TMPRSS15: variants seen among roughly 807,000 people sequenced by gnomAD.
TMPRSS15 encodes the protein enteropeptidase.
In TMPRSS15, 128 loss-of-function variants were observed where a neutral mutation model predicts 125.3. That is an observed-to-expected ratio of 1.02 (90% CI 0.89 to 1.18). TMPRSS15 has a LOEUF of 1.18. TMPRSS15 is among the 50% of genes most tolerant of loss of function. The pLI is 0.00. For synonymous variants in TMPRSS15, 446 were observed against 423.2 expected, an observed-to-expected ratio of 1.05 and a Z score of -0.66; for missense variants, 1,283 against 1,212.7, an observed-to-expected ratio of 1.06 and a Z score of -0.86.
In TMPRSS15 at chr21:18,424,043, T is replaced by A. The variant is rs576068451; in HGVS notation, c.11-25714A>T. ...GAAGTTTCAGCCTGGCATCAATAAT[T>A]TGCCTAAATATTTTAACTGAAAGAG... On this transcript the variant is annotated intron_variant, in intron 1 of 7. Transcript: ENST00000422787. Among the ~76,000 whole-genome samples, 12 of 152,266 alleles carry A rather than the reference T, an allele frequency of 7.9e-5. No individual in the cohort carries two copies. In the South Asian group the frequency reaches 2.5e-3, roughly 32 times the overall value.
chr21:18,452,360 A>G (rs1358109480), intron 1 of TMPRSS15, among the ~76,000 whole-genome samples: 1 of 152,166 alleles, frequency 6.6e-6, no homozygotes. Flanking sequence ...CACAAAGCAA[A>G]CATAATGTAA....
intron 1 of TMPRSS15, among the ~76,000 whole-genome samples, chr21:18,484,717 G>A (rs1231991680): frequency 1.3e-5 from 2 of 151,850 alleles, no homozygotes. Context: ...TCATAAATAA[G>A]GTGATTATAT....
chr21:18,318,184 G>C (rs1403394687), intron 16 of TMPRSS15, among the ~76,000 whole-genome samples: 1 of 152,178 alleles, frequency 6.6e-6, no homozygotes, highest in Non-Finnish European at 1.5e-5. Flanking sequence ...GCCTGGCAGG[G>C]AAGCCCGGCT....
At chr21:18,470,003 A>G (rs1978743579) in intron 1 of TMPRSS15, among the ~76,000 whole-genome samples, 1 of 152,082 alleles carries the variant, frequency 6.6e-6, no homozygotes, top group South Asian at 2.1e-4. Flanking sequence ...TCCTAAATAT[A>G]TTTTGCATTG....
At chr21:18,327,183 A>C (rs899531736) in intron 15 of TMPRSS15, among the ~76,000 whole-genome samples, 23 of 152,188 alleles carry the variant, frequency 1.5e-4, no homozygotes, top group Admixed American at 8.5e-4. Flanking sequence ...TCAGTTTCAA[A>C]AGACCTTCCT....
At chr21:18,419,538 TTTC>T (rs1186162058) in intron 1 of TMPRSS15, among the ~76,000 whole-genome samples, 1 of 152,144 alleles carries the variant, frequency 6.6e-6, no homozygotes, top group Non-Finnish European at 1.5e-5. Context: ...ATTTCCTCTT[TTTC>T]TAAAAACTCT....
chr21:18,317,063 T>C (rs1004544795), intron 16 of TMPRSS15, among the ~76,000 whole-genome samples: 2 of 152,200 alleles, frequency 1.3e-5, no homozygotes, highest in Admixed American at 6.5e-5. Context: ...TATTAGTGAC[T>C]ATTAGTCAAT....
chr21:18,345,030 G>C (rs1231630238), intron 10 of TMPRSS15, among the ~76,000 whole-genome samples: 1 of 152,094 alleles, frequency 6.6e-6, no homozygotes, highest in Non-Finnish European at 1.5e-5. Context: ...TAAGAACAAG[G>C]CATAAAGAAA....
At chr21:18,284,187 C>T (rs990412704) in intron 21 of TMPRSS15, among the ~76,000 whole-genome samples, 10 of 152,172 alleles carry the variant, frequency 6.6e-5, no homozygotes, top group Admixed American at 5.2e-4. Flanking sequence ...AAGAGAAAGG[C>T]TGCTCCACAA....
Position 18,397,874 on chromosome 21 carries a change from C to T in TMPRSS15, c.344+5G>A, listed in dbSNP as rs1054235783. ...ATCAGTAGAAAATTTTTGAGCTATA[C>T]TCACTCAAATTGTAAAACTCTTGAG... On this transcript the variant is annotated splice_donor_5th_base_variant and intron_variant, in intron 3 of 24. Transcript: ENST00000284885. 1.3e-6 allele frequency: 2 copies of T among 1,522,818 alleles called. No individual in the cohort carries two copies. The highest frequency in any genetic ancestry group is 1.8e-6 in the Non-Finnish European group (2 of 1,114,628). The allele number at this position is 1,522,818 out of a possible 1,614,324, so 94.3% of individuals were successfully genotyped here.
chr21:18,473,409 A>G (rs1978817600), intron 1 of TMPRSS15, among the ~76,000 whole-genome samples: 1 of 152,122 alleles, frequency 6.6e-6, no homozygotes, highest in Non-Finnish European at 1.5e-5. Flanking sequence ...AGTTGTATCG[A>G]TTATAATCAG....
chr21:18,446,857 G>A (rs191861959), intron 1 of TMPRSS15, among the ~76,000 whole-genome samples: 317 of 151,944 alleles, frequency 2.1e-3, no homozygotes, highest in African/African-American at 7.1e-3. Context: ...AAAGCTCCAT[G>A]ACATTGGTTT....
chr21:18,458,916 A>C lies in TMPRSS15; in HGVS notation c.10+26883T>G, dbSNP rs62215056. On this transcript the variant is annotated intron_variant, in intron 1 of 7. Transcript: ENST00000422787. ...GATTATATCATTTTAATTTTCATGA[A>C]ATAAAATTTATCTTTTTTATTTTGT... is the stretch of plus-strand genomic sequence containing the variant. Among the ~76,000 whole-genome samples, 896 of 152,294 alleles carry C rather than the reference A, an allele frequency of 5.9e-3. 6 individuals carry two copies. Among genetic ancestry groups the C allele is most frequent in the Non-Finnish European group, 8.9e-3 (608 of 68,014 alleles).
chr21:18,269,457 T>C lies in TMPRSS15; in HGVS notation c.*512A>G, dbSNP rs1304126234. 4 of 157,718 alleles carry C rather than the reference T, an allele frequency of 2.5e-5. No individual in the cohort carries two copies. The highest frequency in any genetic ancestry group is 5.6e-5 in the Non-Finnish European group (4 of 71,852). 9.8% of individuals were successfully genotyped at this position (157,718 alleles called of 1,614,324 possible). A position where few individuals can be genotyped will look rare whatever the true frequency, so the allele number is the denominator to read the frequency against. On this transcript the variant is annotated 3_prime_UTR_variant, in exon 25 of 25. Transcript: ENST00000284885. ...TCTATTGGTTGGGAAAATACTAAGGTTATGCATATGTTGAAAATTTTGATA... is the reference window on the plus strand; with the variant it reads ...TCTATTGGTTGGGAAAATACTAAGGCTATGCATATGTTGAAAATTTTGATA...
chr21:18,373,534 A>G (rs1177064726), intron 5 of TMPRSS15, among the ~76,000 whole-genome samples: 3 of 152,192 alleles, frequency 2.0e-5, no homozygotes, highest in Non-Finnish European at 4.4e-5. Flanking sequence ...TTAACCATTG[A>G]GTTATTAATC....
At chr21:18,451,880 T>A in intron 1 of TMPRSS15, among the ~76,000 whole-genome samples, 1 of 124,204 alleles carries the variant, frequency 8.1e-6, no homozygotes, top group Non-Finnish European at 1.7e-5. Context: ...ATGGCATGCA[T>A]AAGACATGCA....
At chr21:18,407,669 C>T (rs1281272320), upstream of TMPRSS15, among the ~76,000 whole-genome samples, 1 of 151,956 alleles carries the variant, frequency 6.6e-6, no homozygotes, top group Non-Finnish European at 1.5e-5. Context: ...CTTCGTTGTC[C>T]AGGCTGGACT....
At chr21:18,286,944 A>C (rs548632894) in intron 21 of TMPRSS15, among the ~76,000 whole-genome samples, 2 of 152,300 alleles carry the variant, frequency 1.3e-5, no homozygotes, top group South Asian at 4.1e-4. Flanking sequence ...CTTCAAAGAA[A>C]TTTGTGTAAC....
intron 13 of TMPRSS15, among the ~76,000 whole-genome samples, chr21:18,332,460 G>C (rs542301629): frequency 1.3e-5 from 2 of 151,914 alleles, no homozygotes; most frequent in East Asian, 1.9e-4. Context: ...TTTTTTGTGG[G>C]GTTGTTTATT....
Sources: gnomAD v4.1 joint callset for allele counts (sites outside exome capture counted in the v4.1 genomes callset) on GRCh38, gnomAD v4.1.1 for gene constraint, MANE v1.5 for transcripts, NCBI Gene and HGNC (gene_info 2026-07-23, HGNC 2026-07-21) for gene names.